DNAH9: variants seen among roughly 807,000 people sequenced by gnomAD.
The protein encoded by DNAH9 is dynein axonemal heavy chain 9, also known as DNAH9 variant protein.
DNAH9 carries 345 observed loss-of-function variants against 471.6 expected under a neutral mutation model. The ratio of observed to expected loss-of-function variants is 0.73; its 90% CI spans 0.67 to 0.80. The LOEUF (loss-of-function observed/expected upper bound fraction) is 0.80, where lower values mean the gene tolerates loss of function less well. DNAH9 is among the 30% of genes least tolerant of loss of function. The pLI is 0.00. For synonymous variants in DNAH9, 2,093 were observed against 2,123.6 expected, an observed-to-expected ratio of 0.99 and a Z score of 0.40; for missense variants, 5,407 against 5,609.2, an observed-to-expected ratio of 0.96 and a Z score of 1.15.
At chr17:11,619,886 C>T (rs572650354) in intron 6 of DNAH9, 105 bp downstream of exon 6, 2 of 681,994 alleles carry the variant, frequency 2.9e-6, no homozygotes, top group African/African-American at 1.8e-5. Flanking sequence ...TCATAGCCAA[C>T]CCTCCATCAG....
chr17:11,934,180 A>C (rs957218125), intron 65 of DNAH9, 109 bp downstream of exon 65: 12 of 1,237,918 alleles, frequency 9.7e-6, no homozygotes, highest in South Asian at 7.2e-5. Flanking sequence ...GGACATCACC[A>C]TGGGCTGCAG....
chr17:11,696,677 A>G (rs2074483217), intron 22 of DNAH9, among the ~76,000 whole-genome samples: 1 of 152,200 alleles, frequency 6.6e-6, no homozygotes, highest in Admixed American at 6.5e-5. Context: ...AGCAAGTACT[A>G]AAGAGAGATT....
intron 43 of DNAH9, among the ~76,000 whole-genome samples, chr17:11,801,452 G>A (rs535561827): frequency 2.6e-5 from 4 of 152,282 alleles, no homozygotes; most frequent in African/African-American, 9.6e-5. Flanking sequence ...CACTTTGGGA[G>A]GCCGATGCGG....
At chr17:11,695,677 C>T (rs1036106635) in intron 22 of DNAH9, among the ~76,000 whole-genome samples, 2 of 152,184 alleles carry the variant, frequency 1.3e-5, no homozygotes, top group Admixed American at 6.5e-5. Flanking sequence ...GCATCAGAAT[C>T]ACTTGGAAGG....
chr17:11,949,416 AGAG>A (rs781334588), intron 67 of DNAH9, among the ~76,000 whole-genome samples: 9 of 151,942 alleles, frequency 5.9e-5, no homozygotes, highest in Non-Finnish European at 1.3e-4. Context: ...GATTCAGGCC[AGAG>A]GAGTTTAGGA....
intron 17 of DNAH9, among the ~76,000 whole-genome samples, chr17:11,673,303 G>T (rs1255433565): frequency 6.6e-6 from 1 of 152,118 alleles, no homozygotes; most frequent in South Asian, 2.1e-4. Flanking sequence ...CTACCAACAT[G>T]CCTGCATTTG....
intron 50 of DNAH9, 117 bp from the exon 51 acceptor site, chr17:11,869,017 G>A (rs1266262267): frequency 8.9e-6 from 11 of 1,230,804 alleles, no homozygotes; most frequent in Non-Finnish European, 1.1e-5. Context: ...GGTCCCATAG[G>A]AATGCCCCCG....
At chr17:11,775,797 G>T (rs1968406130) in intron 38 of DNAH9, among the ~76,000 whole-genome samples, 1 of 151,842 alleles carries the variant, frequency 6.6e-6, no homozygotes. Context: ...GTAGAGACGG[G>T]ATTTCACCGT....
chr17:11,610,498 A>G lies in DNAH9; in HGVS notation c.717A>G (p.Pro239=), dbSNP rs773125526. The change falls in exon 3 of 69, where the codon CCA becomes CCG. Residue 239 remains proline (P), a synonymous_variant. Coordinates refer to ENST00000262442, the MANE Select transcript of DNAH9 (RefSeq NM_001372.4). ...QVVLKRESSQ[P]LLQGENPTPK... Reference sequence around the variant, plus strand: ...TACTCAAGAGAGAGTCTTCCCAGCCACTCTTACAAGGGGAGAATCCCACCC... The same window carrying G: ...TACTCAAGAGAGAGTCTTCCCAGCCGCTCTTACAAGGGGAGAATCCCACCC... 6.2e-7 allele frequency: 1 copy of G among 1,613,252 alleles called. No individual in the cohort carries two copies. Among genetic ancestry groups the G allele is most frequent in the African/African-American group, 1.3e-5 (1 of 74,886 alleles).
chr17:11,622,082 C>CT (rs1317453268), intron 6 of DNAH9, among the ~76,000 whole-genome samples: 1 of 109,276 alleles, frequency 9.2e-6, no homozygotes, highest in Non-Finnish European at 1.9e-5. Flanking sequence ...GAGACTCCGT[C>CT]TCAAAAAAAA....
chr17:11,714,443 C>T (rs1424767849), intron 26 of DNAH9, among the ~76,000 whole-genome samples: 2 of 152,100 alleles, frequency 1.3e-5, no homozygotes, highest in Non-Finnish European at 2.9e-5. Context: ...GAGTATGCCT[C>T]GGGGCCTCCC....
At chr17:11,775,043 T>A (rs1421573109) in intron 38 of DNAH9, among the ~76,000 whole-genome samples, 2 of 152,186 alleles carry the variant, frequency 1.3e-5, no homozygotes, top group Non-Finnish European at 2.9e-5. Flanking sequence ...ACCTGCCCTG[T>A]TTCAGACAAC....
chr17:11,937,867 T>C lies in DNAH9; in HGVS notation c.12660+345T>C, dbSNP rs1432350063. On this transcript the variant is annotated intron_variant, in intron 66 of 68. Transcript: ENST00000262442. This position sits in a 1 kb window ranked among gnomAD's most constrained non-coding sequence, Gnocchi z 4.1. ...GGGAACCTTGAATGTGACTTCTTGATCCCCTGGCAAACCAAGCAAGGATGG... is the reference window on the plus strand; with the variant it reads ...GGGAACCTTGAATGTGACTTCTTGACCCCCTGGCAAACCAAGCAAGGATGG... Among the ~76,000 whole-genome samples, 2 of 152,140 alleles carry C rather than the reference T, an allele frequency of 1.3e-5. No homozygotes were observed. Among genetic ancestry groups the C allele is most frequent in the East Asian group, 3.9e-4 (2 of 5,178 alleles).
intron 17 of DNAH9, among the ~76,000 whole-genome samples, chr17:11,678,945 T>C (rs899179147): frequency 6.6e-6 from 1 of 152,176 alleles, no homozygotes; most frequent in Non-Finnish European, 1.5e-5. Context: ...ACCCTGCAGT[T>C]TAGAAACTGC....
intron 33 of DNAH9, 86 bp downstream of exon 33, chr17:11,753,046 G>T (rs1441225276): frequency 9.2e-7 from 1 of 1,092,052 alleles, no homozygotes; most frequent in African/African-American, 1.6e-5. Context: ...TGCAAATCTA[G>T]ATTCCACATG....
At chr17:11,800,750 A>G (rs1969423950) in intron 43 of DNAH9, among the ~76,000 whole-genome samples, 1 of 152,188 alleles carries the variant, frequency 6.6e-6, no homozygotes, top group Non-Finnish European at 1.5e-5. Flanking sequence ...CCCTGTGGTC[A>G]ATGATTAACC....
At chr17:11,698,917 C>G (rs1044366569) in intron 22 of DNAH9, among the ~76,000 whole-genome samples, 1 of 152,164 alleles carries the variant, frequency 6.6e-6, no homozygotes, top group East Asian at 1.9e-4. Flanking sequence ...GCTTGGAACC[C>G]TTCTGATGTG....
chr17:11,677,638 G>A (rs2074068791), intron 17 of DNAH9, among the ~76,000 whole-genome samples: 1 of 151,910 alleles, frequency 6.6e-6, no homozygotes, highest in South Asian at 2.1e-4. Flanking sequence ...CATTGATCGT[G>A]GTACATTTTA....
intron 5 of DNAH9, among the ~76,000 whole-genome samples, chr17:11,617,945 G>A (rs1401476638): frequency 1.3e-5 from 2 of 152,202 alleles, no homozygotes; most frequent in Admixed American, 1.3e-4. Context: ...AAGCAGTAAA[G>A]AGTGCAGCCT....
Sources: allele counts gnomAD v4.1 joint callset (sites outside exome capture counted in the v4.1 genomes callset), GRCh38; gene constraint gnomAD v4.1.1; non-coding constraint Gnocchi (gnomAD v3.1); transcripts MANE v1.5; gene names NCBI Gene and HGNC (gene_info 2026-07-23, HGNC 2026-07-21).